SCAP: variants seen among roughly 807,000 people sequenced by gnomAD.
The protein encoded by SCAP is SREBF chaperone.
A neutral mutation model predicts 123.6 loss-of-function variants in SCAP; 65 were observed. The observed-to-expected ratio is 0.53, with a 90% CI of 0.43 to 0.65. SCAP has a LOEUF of 0.65. Ranked by LOEUF, SCAP falls within the 30% of genes least tolerant of loss-of-function variation. SCAP has a pLI of 0.00. For synonymous variants in SCAP, 740 were observed against 726.3 expected (o/e 1.02, Z -0.30); for missense variants, 1,398 against 1,712.5 (o/e 0.82, Z 3.24).
chr3:47,434,889 A>T, intron 3 of SCAP, 119 bp downstream of exon 3: 1 of 1,264,598 alleles, frequency 7.9e-7, no homozygotes, highest in Non-Finnish European at 1.1e-6. Flanking sequence ...TAAAGCTGTT[A>T]AAGTACATGA....
At position 47,418,738 on chromosome 3, in the gene SCAP, C is replaced by A; in HGVS notation, c.2046G>T (p.Pro682=). The A allele has an allele frequency of 6.2e-7, 1 of 1,601,486 alleles. No individual in the cohort carries two copies. Among genetic ancestry groups the A allele is most frequent in the East Asian group, 2.2e-5 (1 of 44,652 alleles). Residue 682 remains proline, a synonymous_variant, in exon 14 of 23, where the codon CCG becomes CCT. Transcript: ENST00000265565. ...PQDGRSAWPP[P]GPIPAGHWEA... ...CCCAGTGCCCAGCAGGTATGGGCCC[C>A]GGTGGGGGCCAGGCACTGCGGCCGT... is the stretch of plus-strand genomic sequence containing the variant.
chr3:47,435,300 A>G (rs1375940741), intron 2 of SCAP, among the ~76,000 whole-genome samples, 163 bp from the exon 3 acceptor site: 3 of 152,182 alleles, frequency 2.0e-5, no homozygotes, highest in African/African-American at 7.2e-5. Flanking sequence ...CTCAGAAGTC[A>G]TCTAGATTAG....
intron 1 of SCAP, among the ~76,000 whole-genome samples, chr3:47,445,142 T>C (rs11130128): frequency 0.38 from 57,347 of 152,036 alleles, 11,189 homozygotes; most frequent in East Asian, 0.53. Flanking sequence ...CATTCATCAG[T>C]TGATAAACAT....
chr3:47,465,268 TC>T (rs1237145452), intron 1 of SCAP, among the ~76,000 whole-genome samples: 1 of 151,982 alleles, frequency 6.6e-6, no homozygotes, highest in Non-Finnish European at 1.5e-5. Context: ...CCTCCCAGGT[TC>T]AAGCGATTCT....
chr3:47,432,405 C>T (rs977301372), intron 3 of SCAP, among the ~76,000 whole-genome samples: 1 of 150,872 alleles, frequency 6.6e-6, no homozygotes, highest in African/African-American at 2.4e-5. Flanking sequence ...CTTTCGATTG[C>T]CCCCCTATGT....
At position 47,449,297 on chromosome 3, in the gene SCAP, A is replaced by G. The variant is rs1367217228; in HGVS notation, c.-98-6206T>C. Among the ~76,000 whole-genome samples, 6 of 113,278 alleles carry G rather than the reference A, an allele frequency of 5.3e-5. 2 individuals are homozygous for G. The highest frequency in any genetic ancestry group is 9.7e-5 in the Non-Finnish European group (5 of 51,340). 74.3% of individuals were successfully genotyped at this position (113,278 alleles called of 152,430 possible). A position where few individuals can be genotyped will look rare whatever the true frequency, so the allele number is the denominator to read the frequency against. On this transcript the variant is annotated intron_variant, in intron 1 of 22. Transcript: ENST00000265565. ...CTACACAATCTTCCTAACACTTTCCAGATCCCAAGGGCCCCTTTCCTGGTC... is the reference window on the plus strand; with the variant it reads ...CTACACAATCTTCCTAACACTTTCCGGATCCCAAGGGCCCCTTTCCTGGTC...
intron 1 of SCAP, among the ~76,000 whole-genome samples, chr3:47,458,908 C>T (rs1387201411): frequency 1.3e-5 from 2 of 152,188 alleles, no homozygotes; most frequent in African/African-American, 2.4e-5. Flanking sequence ...TGGGTTCAAG[C>T]GATTCTCTTG....
At position 47,417,324 on chromosome 3, in the gene SCAP, G is replaced by A. The variant is rs374675395; in HGVS notation, c.2950C>T (p.Arg984Trp). The A allele has an allele frequency of 8.9e-5, 144 of 1,611,642 alleles. No individual in the cohort carries two copies. Among genetic ancestry groups the A allele is most frequent in the Non-Finnish European group, 1.1e-4 (124 of 1,179,654 alleles). Residue 984 changes from arginine to tryptophan, a missense_variant, in exon 17 of 23, where the codon CGG (arginine) becomes TGG (tryptophan). This residue lies in a region of SCAP where 828 missense variants were observed against 882.5 expected (regional missense o/e 0.94). Transcript: ENST00000265565. ...CCCACCTCCAGCCGGCCGCTGCTCC[G>A]CCCCACCACGATGAGGTTGCCCTGC... is the stretch of plus-strand genomic sequence containing the variant. Reference protein sequence around the residue: ...ELQGNLIVVGRSSGRLEVWDA... With the variant: ...ELQGNLIVVGWSSGRLEVWDA...
At chr3:47,456,835 G>A (rs1406850251) in intron 1 of SCAP, among the ~76,000 whole-genome samples, 1 of 151,650 alleles carries the variant, frequency 6.6e-6, no homozygotes, top group African/African-American at 2.4e-5. Flanking sequence ...AATTCATATC[G>A]CTGACAAGGT....
chr3:47,468,833 T>C (rs1707928707), intron 1 of SCAP, among the ~76,000 whole-genome samples: 1 of 152,232 alleles, frequency 6.6e-6, no homozygotes, highest in Admixed American at 6.6e-5. Context: ...GGTTTTCTTC[T>C]AGGGTTTTTA....
intron 9 of SCAP, chr3:47,422,774 G>A (rs575384007): frequency 4.5e-6 from 2 of 445,504 alleles, no homozygotes; most frequent in Admixed American, 7.7e-5. Context: ...GGGTGCAGAG[G>A]AGAGCTATAA....
At chr3:47,448,947 T>G (rs1000012543) in intron 1 of SCAP, among the ~76,000 whole-genome samples, 2 of 152,214 alleles carry the variant, frequency 1.3e-5, no homozygotes, top group African/African-American at 4.8e-5. Context: ...CTCTAGCTCT[T>G]GTTTAAGTCC....
At chr3:47,426,524 G>A (rs1455590757) in intron 6 of SCAP, among the ~76,000 whole-genome samples, 1 of 152,076 alleles carries the variant, frequency 6.6e-6, no homozygotes, top group Admixed American at 6.6e-5. Flanking sequence ...TGCAAGCTCC[G>A]CCTCCTGGGT....
chr3:47,437,731 G>A (rs1706640249), intron 2 of SCAP, among the ~76,000 whole-genome samples: 3 of 151,886 alleles, frequency 2.0e-5, no homozygotes. Context: ...GACAGAGTGA[G>A]ACCCCCGTCT....
At chr3:47,442,746 T>C (rs949334285) in intron 2 of SCAP, 126 bp downstream of exon 2, 2 of 792,528 alleles carry the variant, frequency 2.5e-6, no homozygotes, top group African/African-American at 1.7e-5. Flanking sequence ...CTCACAGTTA[T>C]AAGGAGCCCA....
intron 1 of SCAP, among the ~76,000 whole-genome samples, chr3:47,467,645 A>G (rs532510592): frequency 6.6e-6 from 1 of 152,298 alleles, no homozygotes; most frequent in East Asian, 1.9e-4. Context: ...ACAACAAAAA[A>G]GAAGATATAC....
chr3:47,431,205 C>T (rs1706340761), intron 3 of SCAP, among the ~76,000 whole-genome samples: 1 of 5,036 alleles, frequency 2.0e-4, no homozygotes, highest in South Asian at 0.014. Context: ...GGAGCACTAA[C>T]CTGGTAAGGA....
intron 1 of SCAP, among the ~76,000 whole-genome samples, chr3:47,464,195 T>C (rs1707745303): frequency 6.6e-6 from 1 of 152,040 alleles, no homozygotes; most frequent in African/African-American, 2.4e-5. Context: ...TTTCTATTTT[T>C]AGTAGAGACG....
At chr3:47,475,320 G>C (rs1323354847) in intron 1 of SCAP, 4 of 152,274 alleles carry the variant, frequency 2.6e-5, no homozygotes, top group African/African-American at 9.6e-5. Context: ...AGTGAGCAAA[G>C]TTGAGGTTTA....
Sources: gnomAD v4.1 joint callset for allele counts (sites outside exome capture counted in the v4.1 genomes callset) on GRCh38, gnomAD v4.1.1 for gene constraint, gnomAD v4.1.1 regional missense constraint, MANE v1.5 for transcripts, NCBI Gene and HGNC (gene_info 2026-07-23, HGNC 2026-07-21) for gene names.